The following CTNNA3 variants were observed in gnomAD, a reference collection of about 807,000 sequenced individuals.
CTNNA3 encodes the protein catenin alpha-3.
Under a neutral mutation model 95.7 loss-of-function variants are expected in CTNNA3, and 76 were observed. The observed-to-expected ratio is 0.79, with a 90% CI of 0.66 to 0.96. The LOEUF is 0.96. CTNNA3 is among the 40% of genes least tolerant of loss of function. The pLI, the probability that CTNNA3 is intolerant of heterozygous loss-of-function variation, is 0.00. For synonymous variants in CTNNA3, 431 were observed against 374.4 expected, an observed-to-expected ratio of 1.15 and a Z score of -1.74; for missense variants, 1,191 against 1,089.8, an observed-to-expected ratio of 1.09 and a Z score of -1.31.
chr10:67,648,676 CT>C, intron 1 of CTNNA3: 1 of 1,098,818 alleles, frequency 9.1e-7, no homozygotes, highest in Non-Finnish European at 1.2e-6. Flanking sequence ...TTTCAAATTA[CT>C]GTTATTGGCA....
At chr10:67,178,197 G>A (rs186010714) in intron 7 of CTNNA3, among the ~76,000 whole-genome samples, 8 of 152,234 alleles carry the variant, frequency 5.3e-5, no homozygotes, top group Admixed American at 5.2e-4. Flanking sequence ...CCTGGGGTGG[G>A]TCAGGGTCAT....
intron 5 of CTNNA3, among the ~76,000 whole-genome samples, chr10:67,362,681 C>T (rs1487243696): frequency 6.6e-6 from 1 of 151,886 alleles, no homozygotes; most frequent in Non-Finnish European, 1.5e-5. Flanking sequence ...AGCATTCCCC[C>T]TTAAGAACTG....
intron 7 of CTNNA3, among the ~76,000 whole-genome samples, chr10:67,045,587 G>C (rs1259769070): frequency 6.6e-6 from 1 of 152,318 alleles, no homozygotes; most frequent in Non-Finnish European, 1.5e-5. Flanking sequence ...AACTTCCATT[G>C]CGTGACGGGC....
intron 10 of CTNNA3, among the ~76,000 whole-genome samples, chr10:66,614,636 T>C (rs1453370081): frequency 1.3e-5 from 2 of 152,030 alleles, no homozygotes; most frequent in Non-Finnish European, 2.9e-5. Context: ...TATCTCTTTA[T>C]ACCCAACCAC....
chr10:66,978,526 C>CAAAAAA lies in CTNNA3; in HGVS notation c.1047+201785_1047+201790dup, dbSNP rs1170594360. ...TGGATGATAGAGTGAGACTCCATCTCAAAAAAAAAAAAAAAAAAAAAAAAA... is the reference window on the plus strand; with the variant it reads ...TGGATGATAGAGTGAGACTCCATCTCAAAAAAAAAAAAAAAAAAAAAAAAAAAAAAA... On this transcript the variant is annotated intron_variant, in intron 7 of 17. Coordinates refer to ENST00000433211, the MANE Select transcript of CTNNA3 (RefSeq NM_013266.4). 2.4e-4 allele frequency among the ~76,000 whole-genome samples: 10 copies of CAAAAAA among 42,322 alleles called. 1 individual carries two copies. The highest frequency in any genetic ancestry group is 8.2e-4 in the African/African-American group (8 of 9,748). 27.8% of individuals were successfully genotyped at this position (42,322 alleles called of 152,430 possible).
intron 7 of CTNNA3, among the ~76,000 whole-genome samples, chr10:67,103,535 A>C (rs185598642): frequency 3.3e-5 from 5 of 151,862 alleles, no homozygotes; most frequent in African/African-American, 4.8e-5. Flanking sequence ...CTCATTTTTA[A>C]ATCATTTTAG....
chr10:66,129,228 C>G (rs183912591), intron 13 of CTNNA3, among the ~76,000 whole-genome samples: 257 of 152,318 alleles, frequency 1.7e-3, no homozygotes, highest in African/African-American at 6.0e-3. Context: ...TGTGCCATTG[C>G]ACTCCAGCCT....
At chr10:67,365,699 T>C (rs1230536290) in intron 5 of CTNNA3, among the ~76,000 whole-genome samples, 1 of 152,194 alleles carries the variant, frequency 6.6e-6, no homozygotes, top group Non-Finnish European at 1.5e-5. Context: ...CCAGTTAGAA[T>C]GGCAATCATT....
chr10:66,139,051 C>T (rs2083483170), intron 13 of CTNNA3, among the ~76,000 whole-genome samples: 1 of 152,156 alleles, frequency 6.6e-6, no homozygotes. Context: ...TTTGCCTCTG[C>T]CCTGTGTGAT....
At chr10:66,595,809 T>G (rs1396188148) in intron 10 of CTNNA3, among the ~76,000 whole-genome samples, 1 of 147,562 alleles carries the variant, frequency 6.8e-6, no homozygotes, top group Non-Finnish European at 1.5e-5. Flanking sequence ...GCTAATTTAT[T>G]TATTTATTTA....
At chr10:66,112,464 T>C (rs74142671) in intron 13 of CTNNA3, among the ~76,000 whole-genome samples, 2,047 of 152,276 alleles carry the variant, frequency 0.013, 44 homozygotes, top group African/African-American at 0.047. Flanking sequence ...ACACTATTAT[T>C]ATCAGTATTG....
chr10:65,915,945 A>G lies in CTNNA3; in HGVS notation c.*4385T>C, dbSNP rs1168136794. The G allele has an allele frequency of 1.3e-5, 2 of 152,190 alleles. No homozygotes were observed. Among genetic ancestry groups the G allele is most frequent in the Non-Finnish European group, 2.9e-5 (2 of 68,032 alleles). 9.4% of individuals were successfully genotyped at this position (152,190 alleles called of 1,614,324 possible). On this transcript the variant is annotated 3_prime_UTR_variant, in exon 18 of 18. Coordinates refer to ENST00000433211, the MANE Select transcript of CTNNA3 (RefSeq NM_013266.4). ...AGATAGCGTTAGTAGCCTCATTCAA[A>G]ACATTTTTAACTACAACTAGTTTTA...
chr10:65,974,993 T>C (rs1391552365), intron 16 of CTNNA3, among the ~76,000 whole-genome samples: 1 of 152,212 alleles, frequency 6.6e-6, no homozygotes, highest in African/African-American at 2.4e-5. Flanking sequence ...CATTTCTGCT[T>C]TTATTCAGTA....
At chr10:67,408,738 G>A (rs1589262165) in intron 5 of CTNNA3, among the ~76,000 whole-genome samples, 1 of 151,932 alleles carries the variant, frequency 6.6e-6, no homozygotes, top group East Asian at 1.9e-4. Context: ...TGACAAATGA[G>A]ATCTAATTAA....
At chr10:67,438,231 G>A (rs780198056) in intron 5 of CTNNA3, among the ~76,000 whole-genome samples, 4 of 152,126 alleles carry the variant, frequency 2.6e-5, no homozygotes, top group East Asian at 3.9e-4. Flanking sequence ...AAGAAAAATT[G>A]TATGTCAACA....
At chr10:65,959,464 T>C (rs1397912326) in intron 17 of CTNNA3, among the ~76,000 whole-genome samples, 1 of 152,168 alleles carries the variant, frequency 6.6e-6, no homozygotes, top group African/African-American at 2.4e-5. Flanking sequence ...CCATCTTCTG[T>C]ATCGCTCATG....
chr10:67,162,215 CATT>C (rs1271873469), intron 7 of CTNNA3, among the ~76,000 whole-genome samples: 1 of 151,958 alleles, frequency 6.6e-6, no homozygotes, highest in African/African-American at 2.4e-5. Flanking sequence ...TACCTAACAA[CATT>C]ATTTTTAAGT....
rs935077529 is a variant in CTNNA3 at position 67,696,158 on chromosome 10, C to T, written c.-164G>A. 6.6e-6 allele frequency: 1 copy of T among 152,038 alleles called. No homozygotes were observed. Among genetic ancestry groups the T allele is most frequent in the Non-Finnish European group, 1.5e-5 (1 of 68,006 alleles). The allele number at this position is 152,038 out of a possible 1,614,324, so 9.4% of individuals were successfully genotyped here. On this transcript the variant is annotated 5_prime_UTR_variant, in exon 1 of 18. Coordinates refer to ENST00000433211, the MANE Select transcript of CTNNA3 (RefSeq NM_013266.4). ...CAGATGACAGTGGGGCAGTCAATTT[C>T]GCTGAGCGTTGTTCACCCAGGATAA... is the stretch of plus-strand genomic sequence containing the variant.
At chr10:66,880,009 C>T (rs951007731) in intron 7 of CTNNA3, among the ~76,000 whole-genome samples, 5 of 152,068 alleles carry the variant, frequency 3.3e-5, no homozygotes, top group East Asian at 3.9e-4. Flanking sequence ...TGATATAAAC[C>T]AGTGTTTAAA....
Sources: gnomAD v4.1 joint callset for allele counts (sites outside exome capture counted in the v4.1 genomes callset) on GRCh38, gnomAD v4.1.1 for gene constraint, MANE v1.5 for transcripts, NCBI Gene and HGNC (gene_info 2026-07-23, HGNC 2026-07-21) for gene names.